ANKFN1: variants seen among roughly 807,000 people sequenced by gnomAD.
ANKFN1 encodes ankyrin repeat and fibronectin type III domain containing 1.
In ANKFN1, 74 loss-of-function variants were observed where a neutral mutation model predicts 108.7. The ratio of observed to expected loss-of-function variants is 0.68; its 90% confidence interval spans 0.56 to 0.83. The LOEUF is 0.83. Ranked by LOEUF, ANKFN1 falls within the 40% of genes least tolerant of loss-of-function variation. The pLI, the probability that ANKFN1 is intolerant of heterozygous loss-of-function variation, is 0.00. For synonymous variants in ANKFN1, 547 were observed against 516.2 expected, an observed-to-expected ratio of 1.06 and a Z score of -0.81; for missense variants, 1,505 against 1,382.3, an observed-to-expected ratio of 1.09 and a Z score of -1.41.
At chr17:56,218,548 G>A (rs1211030243) in intron 2 of ANKFN1, among the ~76,000 whole-genome samples, 1 of 151,980 alleles carries the variant, frequency 6.6e-6, no homozygotes, top group Non-Finnish European at 1.5e-5. Flanking sequence ...CTGTCTCGGG[G>A]ACTTCACACA....
chr17:56,171,625 T>C (rs1384083929), intron 1 of ANKFN1, among the ~76,000 whole-genome samples: 2 of 152,192 alleles, frequency 1.3e-5, no homozygotes, highest in East Asian at 3.9e-4. Flanking sequence ...TTTCACTTTG[T>C]AGAAACTGCC....
intron 4 of ANKFN1, among the ~76,000 whole-genome samples, chr17:56,138,186 T>C (rs1907702140): frequency 6.6e-6 from 1 of 152,186 alleles, no homozygotes; most frequent in African/African-American, 2.4e-5. Context: ...GATTACTCAG[T>C]TGAAAATAAT....
At chr17:56,332,125 A>G (rs1598416800) in intron 4 of ANKFN1, among the ~76,000 whole-genome samples, 1 of 152,122 alleles carries the variant, frequency 6.6e-6, no homozygotes, top group Non-Finnish European at 1.5e-5. Flanking sequence ...GAAGGCCTCC[A>G]TGGGTCTTGT....
rs186196533 is a variant in ANKFN1 at position 56,335,476 on chromosome 17, T to A, written c.188+9121T>A. On this transcript the variant is annotated intron_variant, in intron 4 of 20. Coordinates refer to ENST00000682825, the MANE Select transcript of ANKFN1 (RefSeq NM_001370326.1). Reference sequence around the variant, plus strand: ...ATTCCTACATATTTTATTCTCTTTGTAGCAATTGAGAATGGGAGTTCACTC... The same window carrying A: ...ATTCCTACATATTTTATTCTCTTTGAAGCAATTGAGAATGGGAGTTCACTC... Among the ~76,000 whole-genome samples the A allele has an allele frequency of 1.2e-4, 19 of 152,240 alleles. No individual in the cohort carries two copies. The East Asian group carries it at 3.5e-3, about 28-fold the overall frequency.
chr17:56,392,632 ATCT>A (rs2047474334), intron 8 of ANKFN1, among the ~76,000 whole-genome samples: 1 of 152,204 alleles, frequency 6.6e-6, no homozygotes, highest in African/African-American at 2.4e-5. Flanking sequence ...GAAACTCCTA[ATCT>A]TCTCCAAATA....
chr17:56,376,409 C>T (rs372234850), intron 8 of ANKFN1, among the ~76,000 whole-genome samples: 4 of 152,302 alleles, frequency 2.6e-5, no homozygotes, highest in South Asian at 4.1e-4. Context: ...GATGGCCCCC[C>T]ACAGCCATCC....
chr17:56,440,540 G>A, intron 9 of ANKFN1, 116 bp downstream of exon 9: 1 of 703,780 alleles, frequency 1.4e-6, no homozygotes, highest in Non-Finnish European at 2.4e-6. Flanking sequence ...GGCAACAACT[G>A]CCACTCATTA....
chr17:56,325,056 C>G (rs925691809), intron 3 of ANKFN1, among the ~76,000 whole-genome samples: 2 of 152,170 alleles, frequency 1.3e-5, no homozygotes, highest in Non-Finnish European at 2.9e-5. Flanking sequence ...TGTTTATGAT[C>G]AAGAGACTTT....
At chr17:56,211,722 T>A (rs1915026820) in intron 1 of ANKFN1, among the ~76,000 whole-genome samples, 1 of 152,254 alleles carries the variant, frequency 6.6e-6, no homozygotes, top group Non-Finnish European at 1.5e-5. Flanking sequence ...CAATATTGAT[T>A]CTACCAATCC....
rs571226502 is a variant in ANKFN1, at chr17:56,456,550, A to G, written c.1208-311A>G. On this transcript the variant is annotated intron_variant, in intron 11 of 20. Transcript: ENST00000682825. ...GTAGCTGTGACTACAGACGTGCGCC[A>G]CCACACCCTGCTAATTTTTGTATTT... Among the ~76,000 whole-genome samples the G allele has an allele frequency of 2.6e-5, 4 of 151,904 alleles. No homozygotes were observed. In the East Asian group the frequency reaches 7.8e-4, roughly 29 times the overall value.
At chr17:56,049,112 G>A (rs186249551) in intron 4 of ANKFN1, among the ~76,000 whole-genome samples, 2 of 152,308 alleles carry the variant, frequency 1.3e-5, no homozygotes, top group East Asian at 1.9e-4. Flanking sequence ...CTGCTGTGGG[G>A]ACAATTTTTT....
intron 15 of ANKFN1, chr17:56,471,970 T>C (rs2145322059): frequency 6.6e-6 from 1 of 152,330 alleles, no homozygotes; most frequent in South Asian, 2.1e-4. Context: ...ACACTGGTGA[T>C]AGTTGCACAA....
intron 1 of ANKFN1, among the ~76,000 whole-genome samples, chr17:56,200,892 A>G (rs931077909): frequency 6.6e-6 from 1 of 152,234 alleles, no homozygotes; most frequent in Non-Finnish European, 1.5e-5. Flanking sequence ...ATAGTTAGTC[A>G]TAGCGATGAT....
At chr17:56,482,559 C>T in intron 18 of ANKFN1, 35 bp downstream of exon 18, 1 of 1,597,434 alleles carries the variant, frequency 6.3e-7, no homozygotes, top group East Asian at 2.2e-5. Context: ...AATATTAACC[C>T]AGCCTCCTTA....
At chr17:56,485,690 A>G (rs1414186813) in intron 18 of ANKFN1, among the ~76,000 whole-genome samples, 1 of 152,224 alleles carries the variant, frequency 6.6e-6, no homozygotes, top group Admixed American at 6.5e-5. Context: ...TTAACCCAGC[A>G]TTTTCCAAAT....
chr17:56,382,143 T>C (rs76886440), intron 8 of ANKFN1, among the ~76,000 whole-genome samples: 1 of 152,120 alleles, frequency 6.6e-6, no homozygotes, highest in African/African-American at 2.4e-5. Context: ...CGGCAGAAAC[T>C]CTACAAGCCA....
intron 4 of ANKFN1, among the ~76,000 whole-genome samples, chr17:56,131,940 G>C (rs1381155941): frequency 1.3e-5 from 2 of 152,176 alleles, no homozygotes; most frequent in Admixed American, 1.3e-4. Context: ...GAATTATTCT[G>C]AAATCTACAA....
chr17:56,194,011 A>C (rs921985593), intron 1 of ANKFN1, among the ~76,000 whole-genome samples: 8 of 152,254 alleles, frequency 5.3e-5, no homozygotes, highest in African/African-American at 1.7e-4. Context: ...ATGGCAAGTG[A>C]GCACATGCAG....
At chr17:56,256,065 A>C (rs981163529) in intron 3 of ANKFN1, among the ~76,000 whole-genome samples, 2 of 152,140 alleles carry the variant, frequency 1.3e-5, no homozygotes, top group African/African-American at 4.8e-5. Flanking sequence ...CTGAAGAAAG[A>C]ATGTATCATG....
Sources: gnomAD v4.1 joint callset for allele counts (sites outside exome capture counted in the v4.1 genomes callset) on GRCh38, gnomAD v4.1.1 for gene constraint, MANE v1.5 for transcripts, NCBI Gene and HGNC (gene_info 2026-07-23, HGNC 2026-07-21) for gene names.